The following RAD51B variants were observed in gnomAD, a reference collection of about 807,000 sequenced individuals.
The protein encoded by RAD51B is DNA repair protein RAD51 homolog 2.
A neutral mutation model predicts 42.2 loss-of-function variants in RAD51B; 38 were observed. The observed-to-expected ratio is 0.90, with a 90% confidence interval of 0.70 to 1.18. The LOEUF (loss-of-function observed/expected upper bound fraction) is 1.18. Among genes scored for constraint, RAD51B ranks in the 50% most tolerant of loss-of-function variants. The probability of loss-of-function intolerance (pLI) is 0.00; values close to 1 mark genes in which losing one functional copy is unlikely to be tolerated. For synonymous variants in RAD51B, 154 were observed against 145.2 expected, an observed-to-expected ratio of 1.06 and a Z score of -0.43; for missense variants, 373 against 400.7, an observed-to-expected ratio of 0.93 and a Z score of 0.59.
intron 8 of RAD51B, among the ~76,000 whole-genome samples, chr14:68,375,949 A>C (rs546382340): frequency 5.8e-4 from 88 of 152,088 alleles, no homozygotes; most frequent in African/African-American, 2.0e-3. Flanking sequence ...AATATTGATA[A>C]TATTCTATTT....
chr14:68,233,626 A>G (rs1180263480), intron 7 of RAD51B, among the ~76,000 whole-genome samples: 1 of 152,204 alleles, frequency 6.6e-6, no homozygotes, highest in Non-Finnish European at 1.5e-5. Context: ...AGTGATTGGC[A>G]TAAGTAAAAT....
intron 7 of RAD51B, among the ~76,000 whole-genome samples, chr14:68,005,059 T>G (rs2075561026): frequency 7.3e-6 from 1 of 136,612 alleles, no homozygotes; most frequent in Admixed American, 7.2e-5. Flanking sequence ...TTTTTTTTTT[T>G]TTTTTTTTTT....
rs181968057 is a variant in RAD51B at position 67,836,146 on chromosome 14, G to T, written c.315+950G>T. 1.2e-4 allele frequency among the ~76,000 whole-genome samples: 19 copies of T among 152,264 alleles called. No individual in the cohort carries two copies. The East Asian group carries it at 3.7e-3, about 29-fold the overall frequency. On this transcript the variant is annotated intron_variant, in intron 4 of 10. Transcript: ENST00000471583. ...TTATTTCTTAGTTTCTTTGTGAGTG[G>T]CTTAGCTCAGCATTGTTGGTGAGGG...
At position 67,819,858 on chromosome 14, in the gene RAD51B, T is replaced by C. The variant is rs1241089442; in HGVS notation, c.-3+5T>C. ...AAGTTGGATGCTGCAGACCCGGTAC[T>C]GGAAAGTTTCATGTGGGGTGCCGTT... On this transcript the variant is annotated splice_donor_5th_base_variant and intron_variant, in intron 1 of 10. Transcript: ENST00000471583. 1.3e-5 allele frequency: 2 copies of C among 152,236 alleles called. No individual in the cohort carries two copies. Among genetic ancestry groups the C allele is most frequent in the Non-Finnish European group, 2.9e-5 (2 of 68,090 alleles). 9.4% of individuals were successfully genotyped at this position (152,236 alleles called of 1,614,324 possible).
At chr14:68,013,955 G>T (rs960837429) in intron 7 of RAD51B, among the ~76,000 whole-genome samples, 115 of 152,214 alleles carry the variant, frequency 7.6e-4, no homozygotes, top group African/African-American at 2.7e-3. Context: ...AATAATGCAG[G>T]ACTGACTGAC....
At chr14:67,978,981 C>G (rs1276897676) in intron 7 of RAD51B, among the ~76,000 whole-genome samples, 1 of 152,166 alleles carries the variant, frequency 6.6e-6, no homozygotes, top group African/African-American at 2.4e-5. Context: ...GTTCCTTCCC[C>G]CCACCACCAG....
intron 7 of RAD51B, among the ~76,000 whole-genome samples, chr14:68,044,003 A>G (rs1460039177): frequency 6.6e-6 from 1 of 152,226 alleles, no homozygotes; most frequent in Non-Finnish European, 1.5e-5. Flanking sequence ...ATAGCTAAAT[A>G]TGGTACCCAA....
At chr14:68,096,259 A>G (rs1007897242) in intron 7 of RAD51B, among the ~76,000 whole-genome samples, 1 of 152,224 alleles carries the variant, frequency 6.6e-6, no homozygotes, top group Admixed American at 6.5e-5. Flanking sequence ...TGCACCATAG[A>G]AAATTTGTAT....
intron 7 of RAD51B, chr14:68,236,484 C>G (rs755163062): frequency 6.6e-5 from 10 of 152,292 alleles, no homozygotes; most frequent in Admixed American, 2.0e-4. Context: ...TCAAGCAATC[C>G]TCCTGCCTCA....
intron 7 of RAD51B, among the ~76,000 whole-genome samples, chr14:67,898,628 T>A (rs4899229): frequency 0.051 from 7,823 of 152,262 alleles, 464 homozygotes; most frequent in African/African-American, 0.15. Context: ...AAGTAATGGA[T>A]GTGTTTATGG....
At chr14:68,546,268 A>C (rs1888229622) in intron 10 of RAD51B, among the ~76,000 whole-genome samples, 1 of 152,192 alleles carries the variant, frequency 6.6e-6, no homozygotes, top group Non-Finnish European at 1.5e-5. Context: ...CTATGGTGGC[A>C]TAGAAGGGAA....
chr14:67,921,957 C>T (rs2044341161), intron 7 of RAD51B, among the ~76,000 whole-genome samples: 1 of 152,148 alleles, frequency 6.6e-6, no homozygotes, highest in Non-Finnish European at 1.5e-5. Flanking sequence ...GCCGTGTGCT[C>T]TGACTACCAG....
chr14:68,455,592 C>T (rs568049703), intron 9 of RAD51B, among the ~76,000 whole-genome samples: 62 of 151,968 alleles, frequency 4.1e-4, no homozygotes, highest in Middle Eastern at 3.4e-3. Flanking sequence ...TGGTGGCGGG[C>T]GCCTGTAGTC....
intron 9 of RAD51B, among the ~76,000 whole-genome samples, chr14:68,420,435 G>A (rs899793930): frequency 6.7e-6 from 1 of 150,140 alleles, no homozygotes; most frequent in Non-Finnish European, 1.5e-5. Flanking sequence ...ATTTTTATGG[G>A]TTTTTTTTTT....
Position 68,041,166 on chromosome 14 carries a change from T to G in RAD51B, c.756+153962T>G, listed in dbSNP as rs114168876. ...CCCTTTCCGCCTTTGCTCTCTCTCC[T>G]GTTCTGCCATGTGAAGATGTGCAGG... is the stretch of plus-strand genomic sequence containing the variant. On this transcript the variant is annotated intron_variant, in intron 7 of 10. Transcript: ENST00000471583. 8.0e-3 allele frequency among the ~76,000 whole-genome samples: 1,218 copies of G among 152,308 alleles called. 3 individuals are homozygous for G. The highest frequency in any genetic ancestry group is 0.011 in the African/African-American group (461 of 41,568).
In RAD51B at chr14:68,653,805, A is replaced by G. The variant is rs146154133; in HGVS notation, c.*11+2949A>G. On this transcript the variant is annotated intron_variant, in intron 11 of 11. Transcript: ENST00000488612. ...GAGTTGAATTCTGAAGGATGGGTGCAATTTTTCCACGTAGAGACTATGCTG... is the reference window on the plus strand; with the variant it reads ...GAGTTGAATTCTGAAGGATGGGTGCGATTTTTCCACGTAGAGACTATGCTG... Among the ~76,000 whole-genome samples, 140 of 152,366 alleles carry G rather than the reference A, an allele frequency of 9.2e-4. 1 individual carries two copies. Among genetic ancestry groups the G allele is most frequent in the African/African-American group, 3.1e-3 (131 of 41,588 alleles).
chr14:68,249,076 T>A (rs1012730831), intron 7 of RAD51B, among the ~76,000 whole-genome samples: 3 of 152,196 alleles, frequency 2.0e-5, no homozygotes, highest in Non-Finnish European at 2.9e-5. Flanking sequence ...AGAACAGGTG[T>A]TTTTAAAGAG....
chr14:68,288,407 G>A (rs1168178773), intron 7 of RAD51B, among the ~76,000 whole-genome samples: 1 of 152,220 alleles, frequency 6.6e-6, no homozygotes, highest in Non-Finnish European at 1.5e-5. Flanking sequence ...AAAGGGAGAG[G>A]ATTATTAGCA....
intron 7 of RAD51B, among the ~76,000 whole-genome samples, chr14:68,168,462 A>G (rs1430011179): frequency 6.6e-6 from 1 of 152,168 alleles, no homozygotes; most frequent in Non-Finnish European, 1.5e-5. Context: ...TCTCCTTCAG[A>G]CTGTTTGCCT....
Sources: gnomAD v4.1 joint callset for allele counts (sites outside exome capture counted in the v4.1 genomes callset) on GRCh38, gnomAD v4.1.1 for gene constraint, MANE v1.5 for transcripts, NCBI Gene and HGNC (gene_info 2026-07-23, HGNC 2026-07-21) for gene names.